MEIS2: variants seen among roughly 807,000 people sequenced by gnomAD.
MEIS2 encodes homeobox protein Meis2.
MEIS2 carries 9 observed loss-of-function variants against 58.6 expected under a neutral mutation model. The observed-to-expected ratio is 0.15, with a 90% CI of 0.09 to 0.27. The LOEUF (loss-of-function observed/expected upper bound fraction) is 0.27. Among genes scored for constraint, MEIS2 ranks in the 10% least tolerant of loss-of-function variants. MEIS2 has a pLI of 1.00. For synonymous variants in MEIS2, 221 were observed against 228.4 expected, an observed-to-expected ratio of 0.97 and a Z score of 0.29; for missense variants, 427 against 635.0, an observed-to-expected ratio of 0.67 and a Z score of 3.52.
At chr15:36,924,223 C>G (rs1481140690) in intron 9 of MEIS2, among the ~76,000 whole-genome samples, 1 of 152,056 alleles carries the variant, frequency 6.6e-6, no homozygotes. Flanking sequence ...TAGTAATACT[C>G]CTGGCACAAG....
intron 7 of MEIS2, among the ~76,000 whole-genome samples, chr15:37,065,502 C>CT (rs1487096854): frequency 6.6e-6 from 1 of 152,114 alleles, no homozygotes; most frequent in Non-Finnish European, 1.5e-5. Flanking sequence ...TGACTGACAA[C>CT]TGTGGTTTGA....
At chr15:37,035,257 AC>A (rs1399404286) in intron 8 of MEIS2, among the ~76,000 whole-genome samples, 3 of 152,208 alleles carry the variant, frequency 2.0e-5, no homozygotes, top group Non-Finnish European at 4.4e-5. Flanking sequence ...CAAATTAAAA[AC>A]ATTTTACAGG....
intron 7 of MEIS2, among the ~76,000 whole-genome samples, chr15:37,054,767 T>C (rs1276777261): frequency 1.3e-5 from 2 of 152,220 alleles, no homozygotes; most frequent in Admixed American, 6.5e-5. Context: ...CTGTTTGTGA[T>C]ATTTAGAAAA....
rs1029016544 is a variant in MEIS2 at position 37,096,196 on chromosome 15, T to C, written c.387+93A>G. ...CTGGGCCAGAGGAACAGATAGGGTGTCCCTGGCCTTTCCTCCTTTCAAGTA... is the reference window on the plus strand; with the variant it reads ...CTGGGCCAGAGGAACAGATAGGGTGCCCCTGGCCTTTCCTCCTTTCAAGTA... On this transcript the variant is annotated intron_variant, in intron 3 of 11. Transcript: ENST00000561208. The C allele has an allele frequency of 6.7e-6, 9 of 1,349,478 alleles. No individual in the cohort carries two copies. In the African/African-American group the frequency reaches 1.3e-4, roughly 20 times the overall value. The allele number at this position is 1,349,478 out of a possible 1,614,324, so 83.6% of individuals were successfully genotyped here.
At chr15:36,983,953 A>G (rs2060012553) in intron 8 of MEIS2, among the ~76,000 whole-genome samples, 2 of 151,872 alleles carry the variant, frequency 1.3e-5, no homozygotes, top group Non-Finnish European at 2.9e-5. Flanking sequence ...GTTAATATAT[A>G]GAAACACAAC....
At chr15:37,099,171 ACG>A (rs927139489) in intron 1 of MEIS2, 9 of 1,261,032 alleles carry the variant, frequency 7.1e-6, no homozygotes, top group East Asian at 3.2e-5. Flanking sequence ...ACGATTGCAC[ACG>A]CACACACACA....
chr15:37,075,950 G>C (rs907778642), intron 7 of MEIS2, among the ~76,000 whole-genome samples: 2 of 151,746 alleles, frequency 1.3e-5, no homozygotes, highest in African/African-American at 4.8e-5. Flanking sequence ...ACTTATTGCT[G>C]TATAGCAGGG....
intron 7 of MEIS2, among the ~76,000 whole-genome samples, chr15:37,056,310 A>T (rs1157771937): frequency 6.6e-6 from 1 of 152,210 alleles, no homozygotes; most frequent in Non-Finnish European, 1.5e-5. Flanking sequence ...AATGGTAAAT[A>T]CATGGTGTTA....
intron 8 of MEIS2, among the ~76,000 whole-genome samples, chr15:36,998,282 G>A (rs2060601998): frequency 7.8e-6 from 1 of 128,650 alleles, no homozygotes; most frequent in Non-Finnish European, 1.6e-5. Flanking sequence ...TGTCACCTAG[G>A]CTGGAGTACA....
chr15:37,015,445 G>A (rs2061316038), intron 8 of MEIS2, among the ~76,000 whole-genome samples: 1 of 148,690 alleles, frequency 6.7e-6, no homozygotes, highest in Admixed American at 6.8e-5. Context: ...TTTTGGTGCA[G>A]GAGTATATCC....
intron 8 of MEIS2, among the ~76,000 whole-genome samples, chr15:36,987,765 G>T (rs573051483): frequency 1.1e-4 from 16 of 149,952 alleles, no homozygotes; most frequent in Admixed American, 1.1e-3. Context: ...TGATCTAAAT[G>T]AATCTCAGCT....
chr15:36,896,732 C>T (rs2056196592), intron 9 of MEIS2, 46 bp from the exon 10 acceptor site: 3 of 1,483,362 alleles, frequency 2.0e-6, no homozygotes, highest in African/African-American at 2.8e-5. Context: ...CGTTTCTGTA[C>T]TCTGCGAACA....
At chr15:36,918,305 C>A (rs1214453366) in intron 9 of MEIS2, among the ~76,000 whole-genome samples, 1 of 152,184 alleles carries the variant, frequency 6.6e-6, no homozygotes, top group Non-Finnish European at 1.5e-5. Flanking sequence ...ATATCTCTTA[C>A]TGAGTGATTT....
At chr15:37,095,173 C>T (rs922258683) in intron 4 of MEIS2, among the ~76,000 whole-genome samples, 1 of 151,806 alleles carries the variant, frequency 6.6e-6, no homozygotes, top group Non-Finnish European at 1.5e-5. Context: ...CCCCCCAGCC[C>T]CCACCCCCAG....
intron 9 of MEIS2, among the ~76,000 whole-genome samples, chr15:36,928,896 A>G (rs1339356596): frequency 6.6e-6 from 1 of 152,200 alleles, no homozygotes; most frequent in Non-Finnish European, 1.5e-5. Flanking sequence ...CTCTTGGAAA[A>G]TGAGTGGCAC....
intron 9 of MEIS2, among the ~76,000 whole-genome samples, chr15:36,919,595 T>C (rs1233890262): frequency 1.3e-5 from 2 of 148,664 alleles, no homozygotes; most frequent in South Asian, 4.4e-4. Context: ...AAAAAAAAAA[T>C]TGGAAACAGT....
chr15:37,051,567 C>T (rs151095004), intron 7 of MEIS2, among the ~76,000 whole-genome samples: 77 of 152,178 alleles, frequency 5.1e-4, no homozygotes, highest in African/African-American at 1.8e-3. Flanking sequence ...ATACAACTGC[C>T]AAAACTTATT....
chr15:36,969,757 C>T (rs1051718182), intron 8 of MEIS2, among the ~76,000 whole-genome samples: 1 of 152,172 alleles, frequency 6.6e-6, no homozygotes, highest in Non-Finnish European at 1.5e-5. Flanking sequence ...TGTTTGCATT[C>T]TCAGTCAAGA....
chr15:36,971,354 T>C (rs1235637373), intron 8 of MEIS2, among the ~76,000 whole-genome samples: 1 of 151,656 alleles, frequency 6.6e-6, no homozygotes, highest in African/African-American at 2.4e-5. Context: ...GTAATACAAA[T>C]TTTAAAGTTA....
Sources: allele counts gnomAD v4.1 joint callset (sites outside exome capture counted in the v4.1 genomes callset), GRCh38; gene constraint gnomAD v4.1.1; transcripts MANE v1.5; gene names NCBI Gene and HGNC (gene_info 2026-07-23, HGNC 2026-07-21).